Variants in WDFY2 observed in about 807,000 individuals in gnomAD.
WDFY2 encodes the protein WD repeat and FYVE domain-containing protein 2.
In WDFY2, 36 loss-of-function variants were observed where a neutral mutation model predicts 56.4. That is an observed-to-expected ratio of 0.64 (90% CI 0.49 to 0.84). WDFY2 has a LOEUF of 0.84. WDFY2 is among the 40% of genes least tolerant of loss of function. The pLI is 0.00. For missense variants in WDFY2, 444 were observed against 512.2 expected (o/e 0.87, Z 1.29); for synonymous variants, 176 against 183.7 (o/e 0.96, Z 0.34).
At chr13:51,588,026 A>G (rs1953977234) in intron 1 of WDFY2, 1 of 152,370 alleles carries the variant, frequency 6.6e-6, no homozygotes, top group Non-Finnish European at 1.5e-5. Flanking sequence ...CTGATTTACA[A>G]ATAAAGATTT....
intron 5 of WDFY2, among the ~76,000 whole-genome samples, chr13:51,726,745 TAACTC>T (rs2138652056): frequency 6.6e-6 from 1 of 152,372 alleles, no homozygotes; most frequent in East Asian, 1.9e-4. Flanking sequence ...GCTGCTGTGT[TAACTC>T]TTTTTTCACA....
chr13:51,630,781 G>C (rs1469134674), intron 1 of WDFY2, among the ~76,000 whole-genome samples: 1 of 134,452 alleles, frequency 7.4e-6, no homozygotes, highest in Non-Finnish European at 1.6e-5. Flanking sequence ...TTTTTTTTTA[G>C]TTTCTCTTTT....
chr13:51,696,639 A>G (rs1951882503), intron 3 of WDFY2, among the ~76,000 whole-genome samples: 1 of 152,214 alleles, frequency 6.6e-6, no homozygotes, highest in Admixed American at 6.5e-5. Flanking sequence ...TAAGAAAAAG[A>G]TCGATTTTAA....
chr13:51,724,820 A>G (rs1057143951), intron 5 of WDFY2, among the ~76,000 whole-genome samples: 3 of 152,344 alleles, frequency 2.0e-5, no homozygotes, highest in Admixed American at 6.5e-5. Flanking sequence ...GTAGCATCAT[A>G]TGGAATAGTT....
At chr13:51,677,441 T>C (rs1318303475) in intron 3 of WDFY2, among the ~76,000 whole-genome samples, 1 of 152,236 alleles carries the variant, frequency 6.6e-6, no homozygotes, top group African/African-American at 2.4e-5. Context: ...ACAGGCTCTT[T>C]ACTGAAAATA....
At chr13:51,652,141 C>G (rs1955402444) in intron 1 of WDFY2, among the ~76,000 whole-genome samples, 1 of 152,068 alleles carries the variant, frequency 6.6e-6, no homozygotes, top group Non-Finnish European at 1.5e-5. Flanking sequence ...TTGAATTGAT[C>G]CCTTTACCAT....
At chr13:51,690,952 G>A (rs952131616) in intron 3 of WDFY2, among the ~76,000 whole-genome samples, 5 of 152,126 alleles carry the variant, frequency 3.3e-5, no homozygotes, top group African/African-American at 9.7e-5. Context: ...GCCAGTGATG[G>A]TGAGCATTTT....
intron 2 of WDFY2, among the ~76,000 whole-genome samples, chr13:51,665,549 T>TG (rs1955685175): frequency 6.6e-6 from 1 of 152,232 alleles, no homozygotes; most frequent in Admixed American, 6.5e-5. Context: ...TTGCCATTCA[T>TG]GGGGTCAGAC....
chr13:51,703,724 A>G (rs1952031562), intron 4 of WDFY2, 74 bp downstream of exon 4: 2 of 1,218,990 alleles, frequency 1.6e-6, no homozygotes, highest in African/African-American at 1.5e-5. Flanking sequence ...GCCACAAGAG[A>G]ATACATACTT....
rs780881813 is a variant in WDFY2 at position 51,751,295 on chromosome 13, T to C, written c.726-15T>C. ...GTTCTCCTAAACTGTCAATAACCCT[T>C]GGTTTCTTTCACAGCGACAGAGTCC... On this transcript the variant is annotated splice_polypyrimidine_tract_variant and intron_variant, in intron 7 of 11. Coordinates refer to ENST00000298125, the MANE Select transcript of WDFY2 (RefSeq NM_052950.4). The C allele has an allele frequency of 4.3e-6, 7 of 1,610,398 alleles. No individual in the cohort carries two copies. The highest frequency in any genetic ancestry group is 3.3e-4 in the Middle Eastern group (2 of 6,046).
intron 2 of WDFY2, among the ~76,000 whole-genome samples, chr13:51,668,730 G>A (rs745467645): frequency 1.1e-3 from 162 of 152,266 alleles, no homozygotes; most frequent in Non-Finnish European, 2.0e-3. Flanking sequence ...AGAAGTCACC[G>A]TTGTTATTTA....
intron 4 of WDFY2, among the ~76,000 whole-genome samples, chr13:51,708,197 A>G (rs1212726282): frequency 1.3e-5 from 2 of 151,774 alleles, no homozygotes; most frequent in Non-Finnish European, 2.9e-5. Context: ...CAACTATTAA[A>G]ATAACAAATT....
In WDFY2 at chr13:51,761,446, G is replaced by A. The variant is rs1474974036; in HGVS notation, c.*1677G>A. ...ACGCACAGCTCATTCAACCTCACGT[G>A]TCGGGAGCATCAGGGAGCTCACCAG... On this transcript the variant is annotated 3_prime_UTR_variant, in exon 12 of 12. Transcript: ENST00000298125. 6.6e-6 allele frequency: 1 copy of A among 152,182 alleles called. No homozygotes were observed. The highest frequency in any genetic ancestry group is 1.5e-5 in the Non-Finnish European group (1 of 68,036). The allele number at this position is 152,182 out of a possible 1,614,324, so 9.4% of individuals were successfully genotyped here.
chr13:51,695,531 A>G (rs566211623), intron 3 of WDFY2, among the ~76,000 whole-genome samples: 1 of 152,280 alleles, frequency 6.6e-6, no homozygotes, highest in East Asian at 1.9e-4. Context: ...CTGTCTGATC[A>G]TTCCTCTGGA....
chr13:51,650,184 T>G (rs1312210424), intron 1 of WDFY2, among the ~76,000 whole-genome samples: 1 of 152,106 alleles, frequency 6.6e-6, no homozygotes, highest in Non-Finnish European at 1.5e-5. Flanking sequence ...GAAGCAATTG[T>G]GAATGGGAGT....
At chr13:51,756,555 C>T (rs952372515) in intron 10 of WDFY2, 93 bp downstream of exon 10, 61 of 1,477,204 alleles carry the variant, frequency 4.1e-5, no homozygotes, top group Non-Finnish European at 5.3e-5. Flanking sequence ...TCAGGTTGCT[C>T]TAGTTTCTGC....
At chr13:51,652,558 ATGCTTAG>A (rs1291511273) in intron 1 of WDFY2, among the ~76,000 whole-genome samples, 1 of 152,144 alleles carries the variant, frequency 6.6e-6, no homozygotes, top group East Asian at 1.9e-4. Flanking sequence ...GTTCCTTTCC[ATGCTTAG>A]TGCTTCCTTC....
chr13:51,614,432 A>G (rs1306925779), intron 1 of WDFY2, among the ~76,000 whole-genome samples: 3 of 152,210 alleles, frequency 2.0e-5, no homozygotes, highest in African/African-American at 7.2e-5. Context: ...TTTTATACCA[A>G]GAAGTCCAGA....
intron 1 of WDFY2, among the ~76,000 whole-genome samples, chr13:51,651,589 G>A (rs1955386972): frequency 6.6e-6 from 1 of 152,190 alleles, no homozygotes. Context: ...TGCTTTGAAT[G>A]TGTCCCAGAG....
Sources: allele counts gnomAD v4.1 joint callset (sites outside exome capture counted in the v4.1 genomes callset), GRCh38; gene constraint gnomAD v4.1.1; transcripts MANE v1.5; gene names NCBI Gene and HGNC (gene_info 2026-07-23, HGNC 2026-07-21).